The following CHCHD6 variants were observed in gnomAD, a reference collection of about 807,000 sequenced individuals.
CHCHD6 encodes the protein MICOS complex subunit MIC25.
In CHCHD6, 28 loss-of-function variants were observed where a neutral mutation model predicts 32.3. The ratio of observed to expected loss-of-function variants is 0.87; its 90% CI spans 0.64 to 1.19. The LOEUF (loss-of-function observed/expected upper bound fraction) is 1.19, where lower values mean the gene tolerates loss of function less well. Among genes scored for constraint, CHCHD6 ranks in the 50% most tolerant of loss-of-function variants. The pLI, the probability that CHCHD6 is intolerant of heterozygous loss-of-function variation, is 0.00. For synonymous variants in CHCHD6, 122 were observed against 117.5 expected, an observed-to-expected ratio of 1.04 and a Z score of -0.25; for missense variants, 333 against 307.0, an observed-to-expected ratio of 1.08 and a Z score of -0.63.
At chr3:126,855,322 C>A (rs1046013922) in intron 5 of CHCHD6, among the ~76,000 whole-genome samples, 1 of 152,186 alleles carries the variant, frequency 6.6e-6, no homozygotes, top group African/African-American at 2.4e-5. Flanking sequence ...TGCCTCCTTT[C>A]AGCTCGGTTT....
intron 4 of CHCHD6, among the ~76,000 whole-genome samples, chr3:126,848,792 C>G (rs887625239): frequency 3.3e-5 from 5 of 152,108 alleles, no homozygotes; most frequent in African/African-American, 1.2e-4. Flanking sequence ...TTTTTGAAAT[C>G]CTTTGTCATA....
intron 4 of CHCHD6, among the ~76,000 whole-genome samples, chr3:126,780,997 C>T (rs1937911619): frequency 6.6e-6 from 1 of 152,126 alleles, no homozygotes; most frequent in South Asian, 2.1e-4. Context: ...GCCACTTTTG[C>T]ACATGTCTCA....
At chr3:126,737,174 G>A (rs1936079445) in intron 4 of CHCHD6, among the ~76,000 whole-genome samples, 1 of 151,938 alleles carries the variant, frequency 6.6e-6, no homozygotes, top group Non-Finnish European at 1.5e-5. Context: ...TACAAAATTA[G>A]CTGGGCGTGG....
intron 1 of CHCHD6, among the ~76,000 whole-genome samples, chr3:126,718,016 C>A (rs900765062): frequency 6.6e-6 from 1 of 152,080 alleles, no homozygotes; most frequent in Non-Finnish European, 1.5e-5. Flanking sequence ...GGGAAGAGGC[C>A]CCTTTCCTTG....
intron 5 of CHCHD6, among the ~76,000 whole-genome samples, chr3:126,912,670 C>T (rs542279718): frequency 6.6e-6 from 1 of 152,254 alleles, no homozygotes; most frequent in Non-Finnish European, 1.5e-5. Context: ...CTGACTCCCC[C>T]GGCCCAGCCC....
intron 4 of CHCHD6, among the ~76,000 whole-genome samples, chr3:126,791,122 A>T (rs1938518439): frequency 6.6e-6 from 1 of 152,160 alleles, no homozygotes; most frequent in Non-Finnish European, 1.5e-5. Context: ...TCAGCAGTGG[A>T]GGCTGCAGAA....
chr3:126,902,588 G>A (rs576131349), intron 5 of CHCHD6, among the ~76,000 whole-genome samples: 1 of 151,870 alleles, frequency 6.6e-6, no homozygotes, highest in African/African-American at 2.4e-5. Context: ...ATGGTGGCGG[G>A]CACCTGTAGT....
intron 1 of CHCHD6, among the ~76,000 whole-genome samples, chr3:126,714,274 A>C (rs1934904612): frequency 6.6e-6 from 1 of 151,778 alleles, no homozygotes; most frequent in African/African-American, 2.4e-5. Flanking sequence ...GGTGCTTTAT[A>C]AATTTTATTT....
intron 4 of CHCHD6, among the ~76,000 whole-genome samples, chr3:126,795,166 G>A (rs1175373576): frequency 6.6e-6 from 1 of 152,140 alleles, no homozygotes; most frequent in East Asian, 1.9e-4. Flanking sequence ...AGCTGCCCAC[G>A]TCTCCTGCCT....
chr3:126,772,162 C>T (rs1043956232), intron 4 of CHCHD6, among the ~76,000 whole-genome samples: 6 of 152,088 alleles, frequency 3.9e-5, no homozygotes, highest in Non-Finnish European at 5.9e-5. Flanking sequence ...AGTGTAGTGG[C>T]GCAATCTCGG....
chr3:126,770,389 G>A (rs1417214500), intron 4 of CHCHD6, among the ~76,000 whole-genome samples: 2 of 152,200 alleles, frequency 1.3e-5, no homozygotes, highest in African/African-American at 2.4e-5. Context: ...GATCAGAAAG[G>A]ACATTCTTGT....
intron 1 of CHCHD6, among the ~76,000 whole-genome samples, chr3:126,726,441 A>G (rs1935538306): frequency 6.6e-6 from 1 of 152,248 alleles, no homozygotes. Context: ...AAAAGCTTCA[A>G]GTATCATGAG....
chr3:126,806,457 T>C (rs1032970594), intron 4 of CHCHD6, among the ~76,000 whole-genome samples: 39 of 152,238 alleles, frequency 2.6e-4, no homozygotes, highest in African/African-American at 9.4e-4. Flanking sequence ...ATGCTCATCA[T>C]CACTGGCCAT....
intron 4 of CHCHD6, among the ~76,000 whole-genome samples, chr3:126,750,790 C>T (rs370071627): frequency 6.6e-6 from 1 of 152,254 alleles, no homozygotes; most frequent in Non-Finnish European, 1.5e-5. Flanking sequence ...ATTAACACTG[C>T]CCCATCTGTC....
chr3:126,718,355 C>T (rs550714123), intron 1 of CHCHD6, among the ~76,000 whole-genome samples: 1 of 152,300 alleles, frequency 6.6e-6, no homozygotes, highest in African/African-American at 2.4e-5. Flanking sequence ...TACATTGTAC[C>T]AACTGCTTTG....
At chr3:126,738,233 T>C (rs1273215350) in intron 4 of CHCHD6, among the ~76,000 whole-genome samples, 3 of 152,188 alleles carry the variant, frequency 2.0e-5, no homozygotes, top group African/African-American at 4.8e-5. Flanking sequence ...TTTCCGTATC[T>C]GCAGATTCAA....
chr3:126,730,606 C>T lies in CHCHD6; in HGVS notation c.242C>T (p.Ser81Leu), dbSNP rs1559809311. Reference protein sequence around the residue: ...RSGSSGGQQPSGMKEGVKRYE... With the variant: ...RSGSSGGQQPLGMKEGVKRYE... Reference sequence around the variant, plus strand: ...GGGAGCAGTGGTGGCCAGCAGCCCTCAGGGATGAAGGAGGGTGTCAAGAGG... The same window carrying T: ...GGGAGCAGTGGTGGCCAGCAGCCCTTAGGGATGAAGGAGGGTGTCAAGAGG... The change falls in exon 3 of 8, where the codon TCA becomes TTA. Residue 81 changes from serine to leucine, a missense_variant. Transcript: ENST00000290913. 6.2e-7 allele frequency: 1 copy of T among 1,613,912 alleles called. No homozygotes were observed. The highest frequency in any genetic ancestry group is 1.1e-5 in the South Asian group (1 of 91,040).
chr3:126,847,229 C>G (rs573847012), intron 4 of CHCHD6, among the ~76,000 whole-genome samples: 9 of 152,178 alleles, frequency 5.9e-5, no homozygotes, highest in Non-Finnish European at 1.2e-4. Flanking sequence ...GCCGGGGCTG[C>G]TATCTCATTT....
chr3:126,733,237 T>C lies in CHCHD6; in HGVS notation c.411+15T>C, dbSNP rs773390831. 3 of 1,610,744 alleles carry C rather than the reference T, an allele frequency of 1.9e-6. No homozygotes were observed. The highest frequency in any genetic ancestry group is 2.5e-6 in the Non-Finnish European group (3 of 1,178,470). Reference sequence around the variant, plus strand: ...CAGTCCGGCTGGTGAGTGCAGATTTTCCCTGATCTGGCCTTCTGAGCTGGG... The same window carrying C: ...CAGTCCGGCTGGTGAGTGCAGATTTCCCCTGATCTGGCCTTCTGAGCTGGG... On this transcript the variant is annotated intron_variant, in intron 4 of 7. Coordinates refer to ENST00000290913, the MANE Select transcript of CHCHD6 (RefSeq NM_032343.3).
Sources: gnomAD v4.1 joint callset for allele counts (sites outside exome capture counted in the v4.1 genomes callset) on GRCh38, gnomAD v4.1.1 for gene constraint, MANE v1.5 for transcripts, NCBI Gene and HGNC (gene_info 2026-07-23, HGNC 2026-07-21) for gene names.